MAD1L1: variants seen among roughly 807,000 people sequenced by gnomAD.
The protein encoded by MAD1L1 is mitotic spindle assembly checkpoint protein MAD1.
MAD1L1 carries 95 observed loss-of-function variants against 96.9 expected under a neutral mutation model. The observed-to-expected ratio is 0.98, with a 90% CI of 0.83 to 1.16. MAD1L1 has a LOEUF of 1.16. Ranked by LOEUF, MAD1L1 falls within the 50% of genes most tolerant of loss-of-function variation. MAD1L1 has a pLI of 0.00. For missense variants in MAD1L1, 1,007 were observed against 954.4 expected (o/e 1.06, Z -0.73); for synonymous variants, 473 against 396.6 (o/e 1.19, Z -2.29).
At position 1,815,924 on chromosome 7, in the gene MAD1L1, C is replaced by T. The variant is rs900643938; in HGVS notation, c.*146G>A. 6.0e-5 allele frequency: 58 copies of T among 973,084 alleles called. No homozygotes were observed. In the Admixed American group the frequency reaches 9.1e-4, roughly 15 times the overall value. 60.3% of individuals were successfully genotyped at this position (973,084 alleles called of 1,614,324 possible). A position where few individuals can be genotyped will look rare whatever the true frequency, so the allele number is the denominator to read the frequency against. ...CTGGCCGCCCCAGCAGGAAGCCCGACGTAGGTCCCAGCGTGTCTGTCAGTC... is the reference window on the plus strand; with the variant it reads ...CTGGCCGCCCCAGCAGGAAGCCCGATGTAGGTCCCAGCGTGTCTGTCAGTC... On this transcript the variant is annotated 3_prime_UTR_variant, in exon 19 of 19. Transcript: ENST00000265854.
chr7:2,075,401 C>A (rs1285446536), intron 11 of MAD1L1, among the ~76,000 whole-genome samples: 4 of 152,198 alleles, frequency 2.6e-5, no homozygotes, highest in Non-Finnish European at 5.9e-5. Context: ...CGACGGCGGG[C>A]TCTCCCCTGT....
chr7:1,816,647 C>G (rs1781822339), intron 18 of MAD1L1, among the ~76,000 whole-genome samples: 2 of 152,094 alleles, frequency 1.3e-5, no homozygotes, highest in South Asian at 4.2e-4. Context: ...CCTAGTTTCC[C>G]CACTTGTGCA....
intron 15 of MAD1L1, among the ~76,000 whole-genome samples, chr7:1,966,575 AAC>A (rs1491418013): frequency 0.055 from 3,219 of 58,452 alleles, 217 homozygotes; most frequent in African/African-American, 0.11. Flanking sequence ...AAAAAAAAAA[AAC>A]AAAAAAAATC....
At chr7:1,886,753 G>A (rs558995353) in intron 18 of MAD1L1, among the ~76,000 whole-genome samples, 30 of 152,400 alleles carry the variant, frequency 2.0e-4, no homozygotes, top group African/African-American at 7.2e-4. Context: ...GCTGTGGCCA[G>A]GCACATGGCA....
chr7:1,913,667 A>T (rs2128451822), intron 17 of MAD1L1, among the ~76,000 whole-genome samples: 1 of 151,944 alleles, frequency 6.6e-6, no homozygotes, highest in East Asian at 1.9e-4. Flanking sequence ...TACAGCTGCT[A>T]TGGGGGGAGG....
At chr7:2,196,044 C>T (rs1209159046) in intron 10 of MAD1L1, among the ~76,000 whole-genome samples, 2 of 152,218 alleles carry the variant, frequency 1.3e-5, no homozygotes, top group Non-Finnish European at 2.9e-5. Context: ...TGTGGCCAGC[C>T]AGATGGATGG....
chr7:2,073,727 C>T (rs901514475), intron 11 of MAD1L1, among the ~76,000 whole-genome samples: 2 of 152,192 alleles, frequency 1.3e-5, no homozygotes, highest in Admixed American at 1.3e-4. Context: ...GGCATAGGGG[C>T]GTGGGGCTGA....
At chr7:1,992,260 C>G (rs564947104) in intron 14 of MAD1L1, among the ~76,000 whole-genome samples, 3 of 152,248 alleles carry the variant, frequency 2.0e-5, no homozygotes, top group Non-Finnish European at 4.4e-5. Flanking sequence ...CCCATTTACA[C>G]TCACGGAGGA....
intron 10 of MAD1L1, among the ~76,000 whole-genome samples, chr7:2,154,342 A>G (rs183696522): frequency 6.6e-6 from 1 of 152,356 alleles, no homozygotes; most frequent in Admixed American, 6.5e-5. Flanking sequence ...GGTCTGGGTG[A>G]GCGGAACCAC....
chr7:2,062,531 C>A (rs955455701), intron 12 of MAD1L1, among the ~76,000 whole-genome samples: 1 of 151,896 alleles, frequency 6.6e-6, no homozygotes, highest in Non-Finnish European at 1.5e-5. Context: ...GCCGAGATCA[C>A]GCGACTGCAC....
Position 1,909,580 on chromosome 7 carries a change from C to T in MAD1L1, c.1808-11190G>A, listed in dbSNP as rs11770169. Among the ~76,000 whole-genome samples the T allele has an allele frequency of 2.3e-3, 353 of 152,270 alleles. 2 individuals carry two copies. Among genetic ancestry groups the T allele is most frequent in the Non-Finnish European group, 3.4e-3 (229 of 68,006 alleles). ...GGCCGGGACCCCCCGGGATGTCACC[C>T]GTGAGAACCGTACCCCAGCATGCCC... On this transcript the variant is annotated intron_variant, in intron 17 of 18. Transcript: ENST00000265854.
At chr7:1,817,596 G>A (rs1348275275) in intron 18 of MAD1L1, 2 of 152,254 alleles carry the variant, frequency 1.3e-5, no homozygotes, top group Non-Finnish European at 2.9e-5. Flanking sequence ...GCACGTCAGG[G>A]CTCAGGGCCA....
At chr7:1,888,590 G>C (rs532947848) in intron 18 of MAD1L1, among the ~76,000 whole-genome samples, 1 of 151,272 alleles carries the variant, frequency 6.6e-6, no homozygotes, top group Non-Finnish European at 1.5e-5. Context: ...GCATGCATGC[G>C]TGCATGTGGC....
intron 11 of MAD1L1, among the ~76,000 whole-genome samples, chr7:2,092,684 G>A (rs1299425335): frequency 2.0e-5 from 3 of 152,152 alleles, no homozygotes; most frequent in Non-Finnish European, 4.4e-5. Context: ...TATATATTCT[G>A]GATACCAGTT....
intron 1 of MAD1L1, among the ~76,000 whole-genome samples, chr7:2,231,732 G>A (rs1037934759): frequency 3.9e-5 from 6 of 152,118 alleles, no homozygotes; most frequent in African/African-American, 1.4e-4. Context: ...TATTTCTAGT[G>A]ACATTAATAA....
chr7:1,826,849 C>T (rs1782419203), intron 18 of MAD1L1, among the ~76,000 whole-genome samples: 1 of 152,190 alleles, frequency 6.6e-6, no homozygotes, highest in Non-Finnish European at 1.5e-5. Flanking sequence ...CTAATTATAC[C>T]AGCGTTATTG....
chr7:1,934,607 C>T (rs1789674480), intron 17 of MAD1L1, among the ~76,000 whole-genome samples: 1 of 151,572 alleles, frequency 6.6e-6, no homozygotes, highest in Non-Finnish European at 1.5e-5. Flanking sequence ...GAGACCCAGA[C>T]AACAGGGGAA....
chr7:1,833,957 A>G (rs929143666), intron 18 of MAD1L1, among the ~76,000 whole-genome samples: 5 of 152,262 alleles, frequency 3.3e-5, no homozygotes, highest in South Asian at 2.1e-4. Flanking sequence ...CAAAAAAAGT[A>G]GAAGGATTTA....
At chr7:1,866,149 G>A (rs1311623048) in intron 18 of MAD1L1, among the ~76,000 whole-genome samples, 1 of 152,230 alleles carries the variant, frequency 6.6e-6, no homozygotes, top group African/African-American at 2.4e-5. Flanking sequence ...TGGGAGGGGG[G>A]CCAGAACGCC....
Sources: allele counts gnomAD v4.1 joint callset (sites outside exome capture counted in the v4.1 genomes callset), GRCh38; gene constraint gnomAD v4.1.1; transcripts MANE v1.5; gene names NCBI Gene and HGNC (gene_info 2026-07-23, HGNC 2026-07-21).